Variants in MYH6 observed in about 807,000 individuals in gnomAD.
MYH6 encodes myosin heavy chain 6.
Under a neutral mutation model 223.2 loss-of-function variants are expected in MYH6, and 126 were observed. That is an observed-to-expected ratio of 0.56 (90% confidence interval 0.49 to 0.65). The LOEUF is 0.65. Ranked by LOEUF, MYH6 falls within the 30% of genes least tolerant of loss-of-function variation. The probability of loss-of-function intolerance (pLI) is 0.00; values close to 1 mark genes in which losing one functional copy is unlikely to be tolerated. For synonymous variants in MYH6, 978 were observed against 1,010.2 expected, an observed-to-expected ratio of 0.97 and a Z score of 0.61; for missense variants, 2,040 against 2,536.4, an observed-to-expected ratio of 0.80 and a Z score of 4.20.
chr14:23,392,040 G>A (rs1405531889), intron 25 of MYH6, among the ~76,000 whole-genome samples: 2 of 152,152 alleles, frequency 1.3e-5, no homozygotes, highest in African/African-American at 4.8e-5. Flanking sequence ...TCATTTTACA[G>A]GTGAGAAGAG....
chr14:23,401,041 C>G, intron 12 of MYH6, 64 bp from the exon 13 acceptor site: 1 of 1,569,946 alleles, frequency 6.4e-7, no homozygotes, highest in Non-Finnish European at 8.6e-7. Context: ...GAGGCTTGCT[C>G]TGTCACCCAG....
intron 35 of MYH6, 40 bp from the exon 36 acceptor site, chr14:23,384,757 G>A (rs1260511793): frequency 6.2e-7 from 1 of 1,614,032 alleles, no homozygotes; most frequent in Admixed American, 1.7e-5. Flanking sequence ...ATGGGCCAGG[G>A]GCCGGGGCCT....
chr14:23,403,571 T>C (rs1278619218), intron 9 of MYH6, 125 bp from the exon 10 acceptor site: 56 of 1,172,944 alleles, frequency 4.8e-5, no homozygotes, highest in Non-Finnish European at 7.0e-5. Flanking sequence ...GGCGAGAAGA[T>C]GTGGCTTAAA....
At chr14:23,398,215 A>C (rs915240820) in intron 15 of MYH6, among the ~76,000 whole-genome samples, 2 of 151,854 alleles carry the variant, frequency 1.3e-5, no homozygotes, top group African/African-American at 4.8e-5. Context: ...ACGGGGTTTC[A>C]CCATGTTGAC....
Position 23,402,740 on chromosome 14 carries a change from G to A in MYH6, c.959C>T (p.Ser320Phe). 1.2e-6 allele frequency: 2 copies of A among 1,613,702 alleles called. No homozygotes were observed. The highest frequency in any genetic ancestry group is 8.5e-7 in the Non-Finnish European group (1 of 1,179,972). The change falls in exon 11 of 39, where the codon TCC becomes TTC. Residue 320 changes from serine to phenylalanine, a missense_variant. Physicochemically the swap from Ser to Phe is radical, Grantham distance 155. Coordinates refer to ENST00000405093, the MANE Select transcript of MYH6 (RefSeq NM_002471.4). ...DYAFVSQGEVSVASIDDSEEL... is the reference protein window; with the variant it reads ...DYAFVSQGEVFVASIDDSEEL... Reference sequence around the variant, plus strand: ...CTCGGAGTCATCAATGGAGGCCACGGACACCTCTCCCTGAGACACGAAGGC... The same window carrying A: ...CTCGGAGTCATCAATGGAGGCCACGAACACCTCTCCCTGAGACACGAAGGC...
At chr14:23,400,548 G>A (rs762478231) in intron 13 of MYH6, 122 bp from the exon 14 acceptor site, 33 of 1,585,580 alleles carry the variant, frequency 2.1e-5, no homozygotes, top group African/African-American at 6.7e-5. Context: ...CAGGGCAGTG[G>A]AGGAGGGCTT....
rs760632098 is a variant in MYH6, at chr14:23,402,590, C to T, written c.1015G>A (p.Val339Met). The T allele has an allele frequency of 2.1e-5, 34 of 1,613,788 alleles. No homozygotes were observed. Among genetic ancestry groups the T allele is most frequent in the East Asian group, 4.5e-5 (2 of 44,786 alleles). ...TTCTCCTCTGAAGTGAAGCCCAGCA[C>T]GTCAAAGGCACTCTGGGACAGAGCG... Reference protein sequence around the residue: ...ELMATDSAFDVLGFTSEEKAG... With the variant: ...ELMATDSAFDMLGFTSEEKAG... The change falls in exon 12 of 39, where the codon GTG (valine) becomes ATG (methionine). Residue 339 changes from valine to methionine, a missense_variant. Transcript: ENST00000405093.
chr14:23,384,898 A>G lies in MYH6; in HGVS notation c.5289+18T>C, dbSNP rs1426857290. ...TGTTTCTGTCTTTAGGGGAGGCGGA[A>G]GGTGGGCGGTCACTTACATCCGTGA... is the stretch of plus-strand genomic sequence containing the variant. On this transcript the variant is annotated intron_variant, in intron 35 of 38. Coordinates refer to ENST00000405093, the MANE Select transcript of MYH6 (RefSeq NM_002471.4). 1 of 1,613,602 alleles carries G rather than the reference A, an allele frequency of 6.2e-7. No homozygotes were observed. The highest frequency in any genetic ancestry group is 8.5e-7 in the Non-Finnish European group (1 of 1,180,044).
At chr14:23,386,666 C>G (rs1200648305) in intron 32 of MYH6, 43 bp from the exon 33 acceptor site, 1 of 1,577,504 alleles carries the variant, frequency 6.3e-7, no homozygotes, top group East Asian at 2.2e-5. Context: ...GGGCACAGGG[C>G]AGGGTTGAGA....
intron 7 of MYH6, 35 bp from the exon 8 acceptor site, chr14:23,404,423 C>A: frequency 6.2e-7 from 1 of 1,609,334 alleles, no homozygotes; most frequent in Non-Finnish European, 8.5e-7. Flanking sequence ...GGTTCATCCT[C>A]CATCCACCTC....
rs730880153 is a variant in MYH6 at position 23,382,428 on chromosome 14, C to T, written c.5796G>A (p.Lys1932=). 12 of 1,614,122 alleles carry T rather than the reference C, an allele frequency of 7.4e-6. No individual in the cohort carries two copies. The highest frequency in any genetic ancestry group is 1.0e-5 in the Non-Finnish European group (12 of 1,180,026). ...AGTGAAGCCCAGGGGAGGGACCCAC[C>T]TTGGCACCAATGTCACGGCTCTTGG... ...LRAKSRDIGA[K]QKMHDEE is the part of the protein sequence containing the mutation. The change falls in exon 38 of 39, where the codon AAG becomes AAA. Residue 1932 remains lysine (K), a splice_region_variant and synonymous_variant. Transcript: ENST00000405093.
In MYH6 at chr14:23,388,866, C is replaced by T. The variant is rs1475985417; in HGVS notation, c.4168G>A (p.Glu1390Lys). The T allele has an allele frequency of 6.8e-6, 11 of 1,613,708 alleles. No individual in the cohort carries two copies. Among genetic ancestry groups the T allele is most frequent in the African/African-American group, 1.3e-5 (1 of 74,942 alleles). Residue 1390 changes from glutamate to lysine, a missense_variant, in exon 29 of 39, where the codon GAG becomes AAG. Glu to Lys is a moderately conservative substitution (Grantham distance 56). This residue lies in a region of MYH6 where 1,203 missense variants were observed against 1,400.2 expected (regional missense o/e 0.86). Coordinates refer to ENST00000405093, the MANE Select transcript of MYH6 (RefSeq NM_002471.4). The part of the protein sequence containing the change: ...DAIQRTEELE[E>K]AKKKLAQRLQ... Reference sequence around the variant, plus strand: ...GGGGTATCTGGAGCTCACTTGGCCTCTTCGAGCTCCTCAGTCCGCTGAATG... The same window carrying T: ...GGGGTATCTGGAGCTCACTTGGCCTTTTCGAGCTCCTCAGTCCGCTGAATG...
At chr14:23,400,574 A>T in intron 13 of MYH6, 135 bp downstream of exon 13, 1 of 1,580,226 alleles carries the variant, frequency 6.3e-7, no homozygotes, top group Admixed American at 1.8e-5. Context: ...GAAGACAGGG[A>T]CAATGACTGC....
chr14:23,393,843 C>T lies in MYH6; in HGVS notation c.2751G>A (p.Leu917=), dbSNP rs887737819. 9 of 1,614,240 alleles carry T rather than the reference C, an allele frequency of 5.6e-6. No homozygotes were observed. Among genetic ancestry groups the T allele is most frequent in the Non-Finnish European group, 5.9e-6 (7 of 1,180,048 alleles). Residue 917 remains leucine (L), a synonymous_variant, in exon 22 of 39, where the codon CTG becomes CTA. Transcript: ENST00000405093. ...CDQLIKNKIQ[L]EAKVKEMNER... ...CATTCATCTCCTTTACTTTGGCCTC[C>T]AGCTGAATCTTGTTTTTGATCAGCT...
chr14:23,391,261 A>T (rs1891229954), intron 25 of MYH6, among the ~76,000 whole-genome samples: 2 of 152,200 alleles, frequency 1.3e-5, no homozygotes, highest in East Asian at 3.8e-4. Flanking sequence ...GATGGGTCCT[A>T]CAAGCAGCAG....
rs143013402 is a variant in MYH6, at chr14:23,396,843, C to T, written c.2169-26G>A. On this transcript the variant is annotated intron_variant, in intron 18 of 38. Transcript: ENST00000405093. ...CTGAGGAGGGAAGTGTCCAGAGTCA[C>T]CCATGCTCTGCAGTGATCTGCTCTG... is the stretch of plus-strand genomic sequence containing the variant. The T allele has an allele frequency of 1.6e-3, 2,531 of 1,613,756 alleles. 33 individuals carry two copies. The African/African-American group carries it at 0.028, about 18-fold the overall frequency.
At chr14:23,387,958 A>C in intron 30 of MYH6, 35 bp from the exon 31 acceptor site, 2 of 1,611,242 alleles carry the variant, frequency 1.2e-6, no homozygotes, top group Non-Finnish European at 1.7e-6. Context: ...TCAGCCCCCC[A>C]GCCTTAGCTC....
At position 23,396,686 on chromosome 14, in the gene MYH6, A is replaced by G; in HGVS notation, c.2292+8T>C. 6.2e-7 allele frequency: 1 copy of G among 1,613,994 alleles called. No individual in the cohort carries two copies. Among genetic ancestry groups the G allele is most frequent in the Non-Finnish European group, 8.5e-7 (1 of 1,179,868 alleles). On this transcript the variant is annotated splice_region_variant and intron_variant, in intron 19 of 38. Coordinates refer to ENST00000405093, the MANE Select transcript of MYH6 (RefSeq NM_002471.4). ...CCCTGCAACCACCCAGTGGGGCTCT[A>G]GACTCACCTTGGTGTGGCCAAACTT...
At chr14:23,392,761 G>A (rs536170728) in intron 24 of MYH6, 109 bp from the exon 25 acceptor site, 34 of 1,456,620 alleles carry the variant, frequency 2.3e-5, no homozygotes, top group Admixed American at 8.4e-5. Flanking sequence ...CCCTCCCCTC[G>A]CCAGCCCAGA....
Sources: gnomAD v4.1 joint callset for allele counts (sites outside exome capture counted in the v4.1 genomes callset) on GRCh38, gnomAD v4.1.1 for gene constraint, gnomAD v4.1.1 regional missense constraint, MANE v1.5 for transcripts, NCBI Gene and HGNC (gene_info 2026-07-23, HGNC 2026-07-21) for gene names.